RBM23: variants seen among roughly 807,000 people sequenced by gnomAD.
The protein encoded by RBM23 is RNA binding motif protein 23.
A neutral mutation model predicts 56.2 loss-of-function variants in RBM23; 53 were observed. The observed-to-expected ratio is 0.94, with a 90% CI of 0.76 to 1.19. The LOEUF (loss-of-function observed/expected upper bound fraction) is 1.19. Among genes scored for constraint, RBM23 ranks in the 50% most tolerant of loss-of-function variants. The probability of loss-of-function intolerance (pLI) is 0.00; values close to 1 mark genes in which losing one functional copy is unlikely to be tolerated. For missense variants in RBM23, 642 were observed against 590.3 expected (o/e 1.09, Z -0.91); for synonymous variants, 197 against 198.5 (o/e 0.99, Z 0.06).
rs1197749246 is a variant in RBM23, at chr14:22,898,913, G to C, written c.*2817C>G. ...TTAGAAGCCAAATCAATAACTGTAG[G>C]GGTGCTGGGTCATAGCCAGCAGCTT... On this transcript the variant is annotated 3_prime_UTR_variant, in exon 14 of 14. Coordinates refer to ENST00000359890, the MANE Select transcript of RBM23 (RefSeq NM_001077351.2). The C allele has an allele frequency of 1.3e-5, 2 of 152,094 alleles. No homozygotes were observed. Among genetic ancestry groups the C allele is most frequent in the Non-Finnish European group, 2.9e-5 (2 of 68,028 alleles). The allele number at this position is 152,094 out of a possible 1,614,324, so 9.4% of individuals were successfully genotyped here. A position where few individuals can be genotyped will look rare whatever the true frequency, so the allele number is the denominator to read the frequency against.
intron 1 of RBM23, among the ~76,000 whole-genome samples, chr14:22,916,841 T>C (rs1342302712): frequency 6.6e-6 from 1 of 152,140 alleles, no homozygotes; most frequent in East Asian, 1.9e-4. Context: ...TAATATACAC[T>C]ATGGGAAAAT....
At chr14:22,907,268 G>C (rs1395580513) in intron 4 of RBM23, among the ~76,000 whole-genome samples, 1 of 152,168 alleles carries the variant, frequency 6.6e-6, no homozygotes, top group Admixed American at 6.5e-5. Flanking sequence ...CTTGAACCTG[G>C]GAGGCAGAGG....
At chr14:22,913,244 C>A (rs1200975474) in intron 1 of RBM23, among the ~76,000 whole-genome samples, 2 of 150,482 alleles carry the variant, frequency 1.3e-5, no homozygotes, top group East Asian at 3.9e-4. Flanking sequence ...GAAACCCTGT[C>A]TCTACTAAAA....
At chr14:22,908,479 G>A (rs2041945016) in intron 3 of RBM23, 99 bp from the exon 4 acceptor site, 19 of 1,358,586 alleles carry the variant, frequency 1.4e-5, no homozygotes, top group Non-Finnish European at 1.6e-5. Context: ...TGCAACCTCC[G>A]CCTTCCAGGT....
chr14:22,903,370 C>T, intron 10 of RBM23: 1 of 985,448 alleles, frequency 1.0e-6, no homozygotes, highest in Non-Finnish European at 1.2e-6. Flanking sequence ...GAAGCCTTTC[C>T]ATATCTCAGT....
intron 10 of RBM23, 28 bp downstream of exon 10, chr14:22,904,233 T>C (rs1482131795): frequency 1.2e-6 from 2 of 1,613,590 alleles, no homozygotes; most frequent in Admixed American, 3.3e-5. Context: ...CAAAGTAAAA[T>C]AAAAAAATTA....
rs1051956140 is a variant in RBM23 at position 22,895,252 on chromosome 14, A to C, written c.*6478T>G. ...CGCACGCCTGTAATCCCAGCTACTC[A>C]GGAGGCTGAGGCAGGAGAATCACTT... is the stretch of plus-strand genomic sequence containing the variant. On this transcript the variant is annotated 3_prime_UTR_variant, in exon 14 of 14. Coordinates refer to ENST00000359890, the MANE Select transcript of RBM23 (RefSeq NM_001077351.2). 1.4e-5 allele frequency: 2 copies of C among 146,658 alleles called. No individual in the cohort carries two copies. Among genetic ancestry groups the C allele is most frequent in the African/African-American group, 5.1e-5 (2 of 39,286 alleles). The allele number at this position is 146,658 out of a possible 1,614,324, so 9.1% of individuals were successfully genotyped here.
In RBM23 at chr14:22,896,794, C is replaced by T. The variant is rs1156823859; in HGVS notation, c.*4936G>A. 2 of 152,222 alleles carry T rather than the reference C, an allele frequency of 1.3e-5. No homozygotes were observed. The highest frequency in any genetic ancestry group is 3.9e-4 in the East Asian group (2 of 5,194). 9.4% of individuals were successfully genotyped at this position (152,222 alleles called of 1,614,324 possible). On this transcript the variant is annotated 3_prime_UTR_variant, in exon 14 of 14. Transcript: ENST00000359890. The stretch of plus-strand genomic sequence containing the variant: ...TCTGCTTCACCTCACTTTCACAGAG[C>T]TCTCTCAACCAAGGGCACACCAGAG...
intron 1 of RBM23, among the ~76,000 whole-genome samples, chr14:22,914,282 G>A (rs1361238020): frequency 1.4e-5 from 2 of 139,686 alleles, no homozygotes; most frequent in African/African-American, 5.4e-5. Context: ...CCAAGATCGT[G>A]CCACTGCACT....
At chr14:22,902,858 T>G in intron 10 of RBM23, 2 of 874,332 alleles carry the variant, frequency 2.3e-6, no homozygotes, top group Non-Finnish European at 2.7e-6. Flanking sequence ...CACTACAACC[T>G]CCATCTCCTG....
In RBM23 at chr14:22,896,804, C is replaced by T. The variant is rs548610704; in HGVS notation, c.*4926G>A. 6.6e-6 allele frequency: 1 copy of T among 152,328 alleles called. No individual in the cohort carries two copies. Among genetic ancestry groups the T allele is most frequent in the South Asian group, 2.1e-4 (1 of 4,828 alleles). 9.4% of individuals were successfully genotyped at this position (152,328 alleles called of 1,614,324 possible). A position where few individuals can be genotyped will look rare whatever the true frequency, so the allele number is the denominator to read the frequency against. The stretch of plus-strand genomic sequence containing the variant: ...CTCACTTTCACAGAGCTCTCTCAAC[C>T]AAGGGCACACCAGAGAGCAAACCAG... On this transcript the variant is annotated 3_prime_UTR_variant, in exon 14 of 14. Coordinates refer to ENST00000359890, the MANE Select transcript of RBM23 (RefSeq NM_001077351.2).
In RBM23 at chr14:22,893,835, C is replaced by G. The variant is rs1023391917; in HGVS notation, c.*7895G>C. The G allele has an allele frequency of 6.6e-6, 1 of 152,084 alleles. No homozygotes were observed. The highest frequency in any genetic ancestry group is 1.5e-5 in the Non-Finnish European group (1 of 68,014). 9.4% of individuals were successfully genotyped at this position (152,084 alleles called of 1,614,324 possible). On this transcript the variant is annotated 3_prime_UTR_variant, in exon 14 of 14. Coordinates refer to ENST00000359890, the MANE Select transcript of RBM23 (RefSeq NM_001077351.2). ...TCCCTGATGGATATGCTTAAGGTCC[C>G]TTTTCATCTATTTGAATATTGATGT...
rs186972364 is a variant in RBM23 at position 22,918,357 on chromosome 14, C to A, written c.-11+642G>T. On this transcript the variant is annotated intron_variant, in intron 1 of 13. Coordinates refer to ENST00000359890, the MANE Select transcript of RBM23 (RefSeq NM_001077351.2). Reference sequence around the variant, plus strand: ...GCAGTGAGCCGAGATCGCGCCACTCCACTCCAGCCTGGGTGACAAAGCGAC... The same window carrying A: ...GCAGTGAGCCGAGATCGCGCCACTCAACTCCAGCCTGGGTGACAAAGCGAC... 3.2e-4 allele frequency among the ~76,000 whole-genome samples: 48 copies of A among 151,872 alleles called. 1 individual carries two copies. The East Asian group carries it at 7.9e-3, about 25-fold the overall frequency.
intron 5 of RBM23, 169 bp downstream of exon 5, chr14:22,906,026 A>G: frequency 2.6e-6 from 2 of 766,546 alleles, no homozygotes; most frequent in Non-Finnish European, 4.1e-6. Flanking sequence ...CTGGGATTAC[A>G]GGCATGAGCC....
At chr14:22,916,720 C>T (rs1431603599) in intron 1 of RBM23, among the ~76,000 whole-genome samples, 5 of 151,792 alleles carry the variant, frequency 3.3e-5, no homozygotes, top group Non-Finnish European at 7.4e-5. Flanking sequence ...ACTCACTGAA[C>T]ATGAATGTTC....
intron 10 of RBM23, 180 bp from the exon 11 acceptor site, chr14:22,902,562 C>A: frequency 7.5e-7 from 1 of 1,328,610 alleles, no homozygotes; most frequent in South Asian, 2.5e-5. Context: ...TGAAAAGGAC[C>A]TTTTCCAATG....
chr14:22,904,685 T>C (rs1218925308), intron 9 of RBM23, among the ~76,000 whole-genome samples, 190 bp downstream of exon 9: 17 of 152,130 alleles, frequency 1.1e-4, no homozygotes, highest in Admixed American at 1.1e-3. Flanking sequence ...ATTTGATTTG[T>C]GTCTAACTTA....
At chr14:22,907,109 G>C (rs553242990) in intron 4 of RBM23, among the ~76,000 whole-genome samples, 87 of 152,238 alleles carry the variant, frequency 5.7e-4, no homozygotes, top group African/African-American at 2.0e-3. Flanking sequence ...GGGAGGCGGA[G>C]GTTGCAGTGA....
Position 22,901,368 on chromosome 14 carries a change from G to T in RBM23, c.*362C>A, listed in dbSNP as rs2040465778. On this transcript the variant is annotated 3_prime_UTR_variant, in exon 14 of 14. Transcript: ENST00000359890. ...GTTAAAGGTACAGGAAAAGGAGAGA[G>T]GTCAGTTCCTTCAGTATGCCCTATG... is the stretch of plus-strand genomic sequence containing the variant. 2 of 235,438 alleles carry T rather than the reference G, an allele frequency of 8.5e-6. No homozygotes were observed. The highest frequency in any genetic ancestry group is 1.1e-4 in the African/African-American group (2 of 18,914). 14.6% of individuals were successfully genotyped at this position (235,438 alleles called of 1,614,324 possible). A position where few individuals can be genotyped will look rare whatever the true frequency, so the allele number is the denominator to read the frequency against.
Sources: gnomAD v4.1 joint callset for allele counts (sites outside exome capture counted in the v4.1 genomes callset) on GRCh38, gnomAD v4.1.1 for gene constraint, MANE v1.5 for transcripts, NCBI Gene and HGNC (gene_info 2026-07-23, HGNC 2026-07-21) for gene names.